PJA2: variants seen among roughly 807,000 people sequenced by gnomAD.
PJA2 encodes the protein praja ring finger ubiquitin ligase 2.
In PJA2, 25 loss-of-function variants were observed where a neutral mutation model predicts 69.3. The observed-to-expected ratio is 0.36, with a 90% CI of 0.26 to 0.50. PJA2 has a LOEUF of 0.50. Among genes scored for constraint, PJA2 ranks in the 20% least tolerant of loss-of-function variants. The pLI is 0.96. For synonymous variants in PJA2, 308 were observed against 277.8 expected (o/e 1.11, Z -1.08); for missense variants, 809 against 830.2 (o/e 0.97, Z 0.31).
intron 1 of PJA2, among the ~76,000 whole-genome samples, chr5:109,407,323 G>A (rs1582636672): frequency 6.6e-6 from 1 of 152,034 alleles, no homozygotes; most frequent in African/African-American, 2.4e-5. Flanking sequence ...ATATATATAA[G>A]AAAACTCATT....
intron 4 of PJA2, among the ~76,000 whole-genome samples, chr5:109,377,455 T>C (rs1392565178): frequency 6.6e-6 from 1 of 152,050 alleles, no homozygotes; most frequent in Non-Finnish European, 1.5e-5. Context: ...TTCTGTTGTC[T>C]TATGGTTTGG....
chr5:109,366,986 G>A (rs1762593863), intron 5 of PJA2, among the ~76,000 whole-genome samples: 1 of 151,758 alleles, frequency 6.6e-6, no homozygotes, highest in Non-Finnish European at 1.5e-5. Flanking sequence ...ACAAAAATTA[G>A]CCAGGCATGG....
intron 1 of PJA2, among the ~76,000 whole-genome samples, chr5:109,391,512 A>G (rs1037366153): frequency 3.3e-5 from 5 of 152,024 alleles, no homozygotes; most frequent in Non-Finnish European, 5.9e-5. Context: ...TTGGAGCACT[A>G]TAAAGATGTA....
chr5:109,347,123 T>C (rs1017945572), intron 7 of PJA2, among the ~76,000 whole-genome samples: 2 of 152,228 alleles, frequency 1.3e-5, no homozygotes, highest in African/African-American at 2.4e-5. Flanking sequence ...ATAAACATAG[T>C]TAATATTATT....
At chr5:109,396,444 T>TTTTG (rs1747412549) in intron 1 of PJA2, among the ~76,000 whole-genome samples, 3 of 105,248 alleles carry the variant, frequency 2.9e-5, no homozygotes, top group African/African-American at 1.1e-4. Context: ...TTTTTTTTTT[T>TTTTG]GAGACAGAGT....
rs943110319 is a variant in PJA2 at position 109,366,065 on chromosome 5, T to G, written c.1469+2496A>C. Among the ~76,000 whole-genome samples the G allele has an allele frequency of 2.5e-4, 38 of 152,170 alleles. 1 individual carries two copies. Among genetic ancestry groups the G allele is most frequent in the Admixed American group, 1.4e-3 (22 of 15,286 alleles). ...CCATCCCAGATATTAGAACTTTTTT[T>G]GGGCTAGATTTAATTAGGTTGTCAT... On this transcript the variant is annotated intron_variant, in intron 5 of 9. Coordinates refer to ENST00000361189, the MANE Select transcript of PJA2 (RefSeq NM_014819.5).
Position 109,362,548 on chromosome 5 carries a change from T to C in PJA2, c.1652+292A>G, listed in dbSNP as rs543237223. ...GAATTATGCTAAGTGATAGAGGGCA[T>C]ATAAAGCAAAATTTTAAACGTCAGA... On this transcript the variant is annotated intron_variant, in intron 6 of 9. Transcript: ENST00000361189. Among the ~76,000 whole-genome samples, 26 of 152,264 alleles carry C rather than the reference T, an allele frequency of 1.7e-4. No homozygotes were observed. In the South Asian group the frequency reaches 5.0e-3, roughly 29 times the overall value.
chr5:109,371,062 G>T (rs557280463), intron 4 of PJA2, among the ~76,000 whole-genome samples: 1 of 152,208 alleles, frequency 6.6e-6, no homozygotes, highest in Admixed American at 6.5e-5. Flanking sequence ...TTTTTTAATG[G>T]TGTGTGAGCT....
At chr5:109,362,009 A>G (rs1162943263) in intron 6 of PJA2, among the ~76,000 whole-genome samples, 1 of 152,234 alleles carries the variant, frequency 6.6e-6, no homozygotes, top group Non-Finnish European at 1.5e-5. Context: ...AGGAGATATA[A>G]ATGAGTTTTT....
chr5:109,404,321 G>C (rs1178462693), intron 1 of PJA2, among the ~76,000 whole-genome samples: 1 of 151,580 alleles, frequency 6.6e-6, no homozygotes, highest in Non-Finnish European at 1.5e-5. Context: ...AGGAGTTTGA[G>C]ACCAGCCTGG....
rs532391061 is a variant in PJA2 at position 109,368,503 on chromosome 5, G to A, written c.1469+58C>T. 1.7e-4 allele frequency: 239 copies of A among 1,445,186 alleles called. 3 individuals are homozygous for A. The Admixed American group carries it at 2.2e-3, about 13-fold the overall frequency. The allele number at this position is 1,445,186 out of a possible 1,614,324, so 89.5% of individuals were successfully genotyped here. On this transcript the variant is annotated intron_variant, in intron 5 of 9. Coordinates refer to ENST00000361189, the MANE Select transcript of PJA2 (RefSeq NM_014819.5). ...TTAATGGCATATCCAACATTTGAAT[G>A]TAAAATATACCACTCTTGTACAATA...
intron 4 of PJA2, among the ~76,000 whole-genome samples, chr5:109,369,883 T>G (rs1365843733): frequency 6.6e-6 from 1 of 151,924 alleles, no homozygotes; most frequent in Non-Finnish European, 1.5e-5. Flanking sequence ...AAATACAAAA[T>G]TAGCTGGGCG....
rs1447591209 is a variant in PJA2, at chr5:109,336,392, C to A, written c.*839G>T. Reference sequence around the variant, plus strand: ...TAGAAGCAAAATTACCTTAAACTAACTATAAGCAATATTAAACAAATGTGC... The same window carrying A: ...TAGAAGCAAAATTACCTTAAACTAAATATAAGCAATATTAAACAAATGTGC... On this transcript the variant is annotated 3_prime_UTR_variant, in exon 10 of 10. Coordinates refer to ENST00000361189, the MANE Select transcript of PJA2 (RefSeq NM_014819.5). 2.0e-5 allele frequency: 3 copies of A among 152,124 alleles called. No homozygotes were observed. Among genetic ancestry groups the A allele is most frequent in the Non-Finnish European group, 4.4e-5 (3 of 68,018 alleles). 9.4% of individuals were successfully genotyped at this position (152,124 alleles called of 1,614,324 possible).
chr5:109,354,796 CCTGCTAT>C (rs1039520937), intron 7 of PJA2, among the ~76,000 whole-genome samples: 10 of 149,692 alleles, frequency 6.7e-5, no homozygotes, highest in African/African-American at 2.4e-4. Context: ...TAGATAGGTA[CCTGCTAT>C]CTAACTTGTC....
At chr5:109,353,638 G>A (rs997557767) in intron 7 of PJA2, among the ~76,000 whole-genome samples, 1 of 145,406 alleles carries the variant, frequency 6.9e-6, no homozygotes, top group Non-Finnish European at 1.5e-5. Context: ...CTATATCATA[G>A]ATATCTATAT....
intron 7 of PJA2, among the ~76,000 whole-genome samples, chr5:109,354,048 AGATATCTAT>A (rs1169586859): frequency 1.5e-5 from 2 of 135,874 alleles, no homozygotes; most frequent in East Asian, 2.1e-4. Context: ...TCTATAGATT[AGATATCTAT>A]GATATCTAGA....
At position 109,345,868 on chromosome 5, in the gene PJA2, T is replaced by C. The variant is rs143469478; in HGVS notation, c.1765-1049A>G. 5.7e-3 allele frequency among the ~76,000 whole-genome samples: 873 copies of C among 152,354 alleles called. 11 individuals are homozygous for C. The highest frequency in any genetic ancestry group is 0.019 in the African/African-American group (805 of 41,588). ...TGTCAAATTACTGTTCTAAGAAGGA[T>C]GGAAAGAACATCAGATCATGTGATC... On this transcript the variant is annotated intron_variant, in intron 7 of 9. Coordinates refer to ENST00000361189, the MANE Select transcript of PJA2 (RefSeq NM_014819.5).
chr5:109,354,351 G>GATATC (rs1762361722), intron 7 of PJA2, among the ~76,000 whole-genome samples: 2 of 69,490 alleles, frequency 2.9e-5, no homozygotes, highest in African/African-American at 5.7e-5. Context: ...TCTATAGATT[G>GATATC]GATATCTATA....
chr5:109,374,403 T>C (rs1746782089), intron 4 of PJA2, among the ~76,000 whole-genome samples: 1 of 152,236 alleles, frequency 6.6e-6, no homozygotes, highest in South Asian at 2.1e-4. Context: ...TAGTACCAAG[T>C]TCTCAGACAA....
Sources: gnomAD v4.1 joint callset for allele counts (sites outside exome capture counted in the v4.1 genomes callset) on GRCh38, gnomAD v4.1.1 for gene constraint, MANE v1.5 for transcripts, NCBI Gene and HGNC (gene_info 2026-07-23, HGNC 2026-07-21) for gene names.